The following PFAS variants were observed in gnomAD, a reference collection of about 807,000 sequenced individuals.
The protein encoded by PFAS is FGAM synthase.
A neutral mutation model predicts 140.6 loss-of-function variants in PFAS; 97 were observed. The observed-to-expected ratio is 0.69, with a 90% confidence interval of 0.59 to 0.82. The LOEUF (loss-of-function observed/expected upper bound fraction) is 0.82, where lower values mean the gene tolerates loss of function less well. Among genes scored for constraint, PFAS ranks in the 40% least tolerant of loss-of-function variants. PFAS has a pLI of 0.00. For missense variants in PFAS, 1,656 were observed against 1,780.2 expected (o/e 0.93, Z 1.26); for synonymous variants, 679 against 718.8 (o/e 0.94, Z 0.88).
In PFAS at chr17:8,265,141, G is replaced by T. The variant is rs774113613; in HGVS notation, c.2280+16G>T. The T allele has an allele frequency of 3.0e-5, 48 of 1,602,248 alleles. No homozygotes were observed. In the East Asian group the frequency reaches 4.5e-4, roughly 15 times the overall value. ...TGACCTCCGGGTGAGTTCTCCCACA[G>T]CTTCTATCCTGGAGCCCCCGGGCTT... On this transcript the variant is annotated intron_variant, in intron 18 of 27. Coordinates refer to ENST00000314666, the MANE Select transcript of PFAS (RefSeq NM_012393.3).
Position 8,266,066 on chromosome 17 carries a change from G to A in PFAS, c.2701+49G>A, listed in dbSNP as rs761528077. On this transcript the variant is annotated intron_variant, in intron 21 of 27. Transcript: ENST00000314666. The surrounding 1 kb of genome is among the most constrained non-coding windows in gnomAD (Gnocchi z 5.0). ...TAGCGCACAGGGTGCCAGGCGTGCA[G>A]CAGGCGTTCACCATCTGAGCAGTGG... 7 of 1,552,268 alleles carry A rather than the reference G, an allele frequency of 4.5e-6. No homozygotes were observed. In the South Asian group the frequency reaches 7.2e-5, roughly 16 times the overall value.
At position 8,263,275 on chromosome 17, in the gene PFAS, G is replaced by A; in HGVS notation, c.1567+10G>A. 1 of 1,614,066 alleles carries A rather than the reference G, an allele frequency of 6.2e-7. No individual in the cohort carries two copies. Among genetic ancestry groups the A allele is most frequent in the Non-Finnish European group, 8.5e-7 (1 of 1,179,986 alleles). On this transcript the variant is annotated intron_variant, in intron 13 of 27. Transcript: ENST00000314666. The stretch of plus-strand genomic sequence containing the variant: ...GGCGCTGGTGGCAATGGTGAGGAAA[G>A]GAGTTGGAACAAGAGACTGGGCCTG...
At chr17:8,263,354 A>G in intron 13 of PFAS, 89 bp downstream of exon 13, 12 of 1,396,166 alleles carry the variant, frequency 8.6e-6, no homozygotes, top group Non-Finnish European at 1.2e-5. Context: ...TCTCCAACCA[A>G]CCACCCAGCT....
At chr17:8,263,323 T>A in intron 13 of PFAS, 58 bp downstream of exon 13, 4 of 1,579,552 alleles carry the variant, frequency 2.5e-6, no homozygotes, top group Non-Finnish European at 3.5e-6. Context: ...CCAGGTTTCG[T>A]TTAGGGAGAG....
chr17:8,267,058 C>T lies in PFAS; in HGVS notation c.2998C>T (p.Leu1000=), dbSNP rs1989845327. Residue 1000 remains leucine, a synonymous_variant, in exon 24 of 28, where the codon CTG becomes TTG. Transcript: ENST00000314666. This position sits in a 1 kb window ranked among gnomAD's most constrained non-coding sequence, Gnocchi z 4.9. ...VRVSVNGAVV[L]EEPVGELRAL... ...GGTGTCAGTGAACGGGGCTGTGGTT[C>T]TGGAGGAGCCTGTTGGGGAGCTGCG... 1 of 1,613,902 alleles carries T rather than the reference C, an allele frequency of 6.2e-7. No individual in the cohort carries two copies. Among genetic ancestry groups the T allele is most frequent in the Non-Finnish European group, 8.5e-7 (1 of 1,180,040 alleles).
chr17:8,263,073 T>C (rs2151590093), intron 12 of PFAS, 36 bp from the exon 13 acceptor site: 5 of 1,612,812 alleles, frequency 3.1e-6, no homozygotes, highest in Non-Finnish European at 4.2e-6. Flanking sequence ...GAGCTTCCAG[T>C]CTCGCTGAGC....
In PFAS at chr17:8,253,892, C is replaced by T. The variant is rs967909286; in HGVS notation, c.-46C>T. The T allele has an allele frequency of 5.7e-6, 9 of 1,575,182 alleles. No individual in the cohort carries two copies. The highest frequency in any genetic ancestry group is 6.9e-6 in the Non-Finnish European group (8 of 1,158,452). ...TTCATCTCTCCAGCAAAGGACACAT[C>T]TCTCCAGCAAAGGACACCTCTCTCC... On this transcript the variant is annotated 5_prime_UTR_variant, in exon 2 of 28. Transcript: ENST00000314666.
chr17:8,259,101 G>A (rs1331010018), intron 11 of PFAS, among the ~76,000 whole-genome samples: 3 of 146,446 alleles, frequency 2.0e-5, no homozygotes, highest in South Asian at 2.2e-4. Flanking sequence ...AGTGGAGATC[G>A]CACCACTGCG....
Position 8,256,597 on chromosome 17 carries a change from C to G in PFAS, c.895C>G (p.Gln299Glu), listed in dbSNP as rs1169441623. Reference protein sequence around the residue: ...PTRPSRFQQQQGLRHVVFTAE... With the variant: ...PTRPSRFQQQEGLRHVVFTAE... The stretch of plus-strand genomic sequence containing the variant: ...ACGGCCAAGCCGCTTCCAGCAACAG[C>G]AAGGGCTGAGACATGTTGTCTTCAC... The change falls in exon 8 of 28, where the codon CAA becomes GAA. Residue 299 changes from glutamine to glutamate, a missense_variant. Physicochemically the swap from Gln to Glu is conservative, Grantham distance 29. This residue lies in a region of PFAS where 773 missense variants were observed against 757.3 expected (regional missense o/e 1.02). Transcript: ENST00000314666. 1 of 1,614,204 alleles carries G rather than the reference C, an allele frequency of 6.2e-7. No individual in the cohort carries two copies. The highest frequency in any genetic ancestry group is 1.1e-5 in the South Asian group (1 of 91,088).
Position 8,266,633 on chromosome 17 carries a change from C to T in PFAS, c.2822-120C>T. 1 of 1,506,228 alleles carries T rather than the reference C, an allele frequency of 6.6e-7. No homozygotes were observed. The highest frequency in any genetic ancestry group is 8.8e-7 in the Non-Finnish European group (1 of 1,134,818). The allele number at this position is 1,506,228 out of a possible 1,614,324, so 93.3% of individuals were successfully genotyped here. A position where few individuals can be genotyped will look rare whatever the true frequency, so the allele number is the denominator to read the frequency against. On this transcript the variant is annotated intron_variant, in intron 22 of 27. Coordinates refer to ENST00000314666, the MANE Select transcript of PFAS (RefSeq NM_012393.3). The surrounding 1 kb of genome is among the most constrained non-coding windows in gnomAD (Gnocchi z 5.0). ...TAGCCCTCATCCTCCCTGATCCCTACCCTACTCTCTGGCTGCATCCCTCTG... is the reference window on the plus strand; with the variant it reads ...TAGCCCTCATCCTCCCTGATCCCTATCCTACTCTCTGGCTGCATCCCTCTG...
In PFAS at chr17:8,265,996, A is replaced by G. The variant is rs764374023; in HGVS notation, c.2680A>G (p.Ile894Val). 5.6e-6 allele frequency: 9 copies of G among 1,611,292 alleles called. No homozygotes were observed. Among genetic ancestry groups the G allele is most frequent in the Admixed American group, 5.0e-5 (3 of 59,666 alleles). ...LPENLVRAFS[I>V]TQGLLKDRLL... is the part of the protein sequence containing the mutation. ...TGAGAACTTGGTGCGGGCCTTCAGC[A>G]TCACTCAGGGGCTGCTGAAAGGTGA... Residue 894 changes from isoleucine to valine, a missense_variant, in exon 21 of 28, where the codon ATC (isoleucine) becomes GTC (valine). Coordinates refer to ENST00000314666, the MANE Select transcript of PFAS (RefSeq NM_012393.3).
intron 1 of PFAS, among the ~76,000 whole-genome samples, 170 bp from the exon 2 acceptor site, chr17:8,253,689 G>T (rs1273247973): frequency 6.6e-6 from 1 of 152,006 alleles, no homozygotes; most frequent in African/African-American, 2.4e-5. Flanking sequence ...ACAGGCGCCC[G>T]CCACCACACC....
At chr17:8,255,720 T>G (rs1162258618) in intron 5 of PFAS, 29 bp downstream of exon 5, 1 of 1,604,636 alleles carries the variant, frequency 6.2e-7, no homozygotes, top group South Asian at 1.1e-5. Context: ...AGATGTAGGG[T>G]CCAGGATAGG....
Position 8,265,113 on chromosome 17 carries a change from C to A in PFAS, c.2268C>A (p.Val756=). ...EALTNLVFAL[V]TDLRDVKCSG... ...TCACCAACCTGGTGTTTGCTCTGGT[C>A]ACTGACCTCCGGGTGAGTTCTCCCA... is the stretch of plus-strand genomic sequence containing the variant. Residue 756 remains valine (V), a synonymous_variant, in exon 18 of 28, where the codon GTC becomes GTA. Coordinates refer to ENST00000314666, the MANE Select transcript of PFAS (RefSeq NM_012393.3). The A allele has an allele frequency of 1.2e-6, 2 of 1,611,994 alleles. No individual in the cohort carries two copies. The highest frequency in any genetic ancestry group is 2.2e-5 in the South Asian group (2 of 90,960).
rs761582555 is a variant in PFAS, at chr17:8,266,737, C to A, written c.2822-16C>A. ...CCCTTCTTGCATCCCCCTGACTCCCCACATTGCTCTCCCAGTCCTGTCTGT... is the reference window on the plus strand; with the variant it reads ...CCCTTCTTGCATCCCCCTGACTCCCAACATTGCTCTCCCAGTCCTGTCTGT... On this transcript the variant is annotated splice_polypyrimidine_tract_variant and intron_variant, in intron 22 of 27. Coordinates refer to ENST00000314666, the MANE Select transcript of PFAS (RefSeq NM_012393.3). This position sits in a 1 kb window ranked among gnomAD's most constrained non-coding sequence, Gnocchi z 5.0. The A allele has an allele frequency of 1.0e-5, 16 of 1,586,680 alleles. No individual in the cohort carries two copies. The highest frequency in any genetic ancestry group is 2.7e-5 in the African/African-American group (2 of 74,172).
intron 17 of PFAS, 22 bp downstream of exon 17, chr17:8,264,623 T>C: frequency 1.9e-6 from 3 of 1,579,162 alleles, no homozygotes; most frequent in Non-Finnish European, 2.6e-6. Context: ...ACCCTTCCTC[T>C]GCCCCCTGCC....
At chr17:8,260,113 AT>A (rs999898256) in intron 11 of PFAS, among the ~76,000 whole-genome samples, 38 of 151,362 alleles carry the variant, frequency 2.5e-4, no homozygotes, top group African/African-American at 8.7e-4. Context: ...AAAAAAAAAA[AT>A]TTTTTTTTAA....
rs779572254 is a variant in PFAS, at chr17:8,267,697, C to T, written c.3382+32C>T. The T allele has an allele frequency of 6.5e-6, 8 of 1,222,654 alleles. No individual in the cohort carries two copies. In the Admixed American group the frequency reaches 8.9e-5, roughly 14 times the overall value. The allele number at this position is 1,222,654 out of a possible 1,614,324, so 75.7% of individuals were successfully genotyped here. On this transcript the variant is annotated intron_variant, in intron 26 of 27. Coordinates refer to ENST00000314666, the MANE Select transcript of PFAS (RefSeq NM_012393.3). The surrounding 1 kb of genome is among the most constrained non-coding windows in gnomAD (Gnocchi z 4.9). ...GTGCAGGCTTCTGCCCACTCCCTTC[C>T]CCCACATTCCTGAAGAGGTGCCTTT... is the stretch of plus-strand genomic sequence containing the variant.
In PFAS at chr17:8,269,328, C is replaced by T. The variant is rs1297626289; in HGVS notation, c.*64C>T. On this transcript the variant is annotated 3_prime_UTR_variant, in exon 28 of 28. Coordinates refer to ENST00000314666, the MANE Select transcript of PFAS (RefSeq NM_012393.3). ...CCTAAGTGGGTCCTGCCCCCTCCCC[C>T]ATGACCTTCAGGAGCACCCCATATT... 1.0e-5 allele frequency: 12 copies of T among 1,179,400 alleles called. No individual in the cohort carries two copies. The African/African-American group carries it at 1.8e-4, about 18-fold the overall frequency. The allele number at this position is 1,179,400 out of a possible 1,614,324, so 73.1% of individuals were successfully genotyped here.
Sources: gnomAD v4.1 joint callset for allele counts (sites outside exome capture counted in the v4.1 genomes callset) on GRCh38, gnomAD v4.1.1 for gene constraint, gnomAD v4.1.1 regional missense constraint, Gnocchi (gnomAD v3.1) non-coding constraint, MANE v1.5 for transcripts, NCBI Gene and HGNC (gene_info 2026-07-23, HGNC 2026-07-21) for gene names.